The following MECOM variants were observed in gnomAD, a reference collection of about 807,000 sequenced individuals.
MECOM encodes the protein histone-lysine N-methyltransferase MECOM.
MECOM carries 13 observed loss-of-function variants against 116.3 expected under a neutral mutation model. The ratio of observed to expected loss-of-function variants is 0.11; its 90% CI spans 0.07 to 0.18. The LOEUF (loss-of-function observed/expected upper bound fraction) is 0.18. Among genes scored for constraint, MECOM ranks in the 10% least tolerant of loss-of-function variants. The pLI, the probability that MECOM is intolerant of heterozygous loss-of-function variation, is 1.00. For missense variants in MECOM, 1,299 were observed against 1,509.0 expected, an observed-to-expected ratio of 0.86 and a Z score of 2.31; for synonymous variants, 528 against 535.2, an observed-to-expected ratio of 0.99 and a Z score of 0.19.
At chr3:169,310,944 C>T (rs950755917) in intron 2 of MECOM, among the ~76,000 whole-genome samples, 8 of 152,128 alleles carry the variant, frequency 5.3e-5, no homozygotes, top group African/African-American at 1.9e-4. Flanking sequence ...AACAAAATTA[C>T]CAACTAAATG....
intron 2 of MECOM, among the ~76,000 whole-genome samples, chr3:169,314,686 G>C (rs1051551343): frequency 6.6e-6 from 1 of 151,966 alleles, no homozygotes; most frequent in African/African-American, 2.4e-5. Context: ...AGAGACAGAA[G>C]GGGAACTAGG....
Position 169,332,707 on chromosome 3 carries a change from A to T in MECOM, c.375+48480T>A, listed in dbSNP as rs370790258. ...CATGTTTAGCATTTCAAAAAATGATAAAAATCTGAATAGACATTTTACATT... is the reference window on the plus strand; with the variant it reads ...CATGTTTAGCATTTCAAAAAATGATTAAAATCTGAATAGACATTTTACATT... On this transcript the variant is annotated intron_variant, in intron 2 of 16. Transcript: ENST00000651503. Among the ~76,000 whole-genome samples, 8 of 152,242 alleles carry T rather than the reference A, an allele frequency of 5.3e-5. No individual in the cohort carries two copies. In the East Asian group the frequency reaches 9.6e-4, roughly 18 times the overall value.
intron 1 of MECOM, among the ~76,000 whole-genome samples, chr3:169,561,559 G>T (rs1762635424): frequency 6.6e-6 from 1 of 152,116 alleles, no homozygotes; most frequent in African/African-American, 2.4e-5. Context: ...AACTACATAT[G>T]TTATAGCAGT....
chr3:169,160,272 A>T (rs2149346244), intron 2 of MECOM, among the ~76,000 whole-genome samples: 1 of 152,106 alleles, frequency 6.6e-6, no homozygotes, highest in South Asian at 2.1e-4. Flanking sequence ...GGGGAAAAAC[A>T]TTTTCTGAGA....
chr3:169,551,868 C>A (rs756768830), intron 1 of MECOM, among the ~76,000 whole-genome samples: 2 of 152,100 alleles, frequency 1.3e-5, no homozygotes, highest in Non-Finnish European at 2.9e-5. Flanking sequence ...GAAAATTATT[C>A]AGCCATAAAA....
chr3:169,490,361 C>G (rs1259703655), intron 1 of MECOM, among the ~76,000 whole-genome samples: 1 of 152,184 alleles, frequency 6.6e-6, no homozygotes, highest in African/African-American at 2.4e-5. Context: ...TTGAAAAATT[C>G]TCACACAGGT....
At chr3:169,466,014 C>A (rs912924682) in intron 1 of MECOM, among the ~76,000 whole-genome samples, 1 of 152,188 alleles carries the variant, frequency 6.6e-6, no homozygotes, top group Non-Finnish European at 1.5e-5. Context: ...AAACTCACAT[C>A]TTTAAAACTT....
At chr3:169,102,590 G>A (rs150369624) in intron 10 of MECOM, among the ~76,000 whole-genome samples, 2,436 of 152,148 alleles carry the variant, frequency 0.016, 44 homozygotes, top group Non-Finnish European at 0.024. Flanking sequence ...TTAACATAAC[G>A]GAAATTATAG....
intron 16 of MECOM, 107 bp from the exon 17 acceptor site, chr3:169,085,150 C>A: frequency 7.3e-7 from 1 of 1,364,500 alleles, no homozygotes; most frequent in Non-Finnish European, 1.0e-6. Context: ...TGAGTAGGGG[C>A]ATCCTTCATG....
chr3:169,255,970 T>G (rs1474285503), intron 2 of MECOM, among the ~76,000 whole-genome samples: 2 of 152,170 alleles, frequency 1.3e-5, no homozygotes, highest in East Asian at 3.8e-4. Context: ...TTTCCTGCCT[T>G]TCTCAATGAT....
chr3:169,358,296 A>G (rs1727610094), intron 2 of MECOM, among the ~76,000 whole-genome samples: 1 of 151,842 alleles, frequency 6.6e-6, no homozygotes, highest in Admixed American at 6.6e-5. Context: ...TTCAGAATAA[A>G]GGGCAGGGTT....
intron 1 of MECOM, 78 bp from the exon 2 acceptor site, chr3:169,381,602 T>C (rs180915106): frequency 9.2e-7 from 1 of 1,089,194 alleles, no homozygotes; most frequent in Non-Finnish European, 1.3e-6. Context: ...CACCTTATTA[T>C]GTTGTTCTTT....
At chr3:169,420,149 A>G (rs1382776281) in intron 1 of MECOM, among the ~76,000 whole-genome samples, 1 of 152,208 alleles carries the variant, frequency 6.6e-6, no homozygotes, top group Non-Finnish European at 1.5e-5. Context: ...GAATGCTTTT[A>G]CACTGTTGGT....
At chr3:169,480,708 A>C (rs1162055594) in intron 1 of MECOM, among the ~76,000 whole-genome samples, 1 of 152,176 alleles carries the variant, frequency 6.6e-6, no homozygotes, top group Non-Finnish European at 1.5e-5. Flanking sequence ...GTTCTTCAAA[A>C]AGGAGATGAA....
At chr3:169,294,519 G>T (rs577277027) in intron 2 of MECOM, among the ~76,000 whole-genome samples, 1 of 152,254 alleles carries the variant, frequency 6.6e-6, no homozygotes, top group African/African-American at 2.4e-5. Context: ...CTGCTCAAAT[G>T]TCCCCATTGT....
At chr3:169,137,355 A>G (rs960276548) in intron 3 of MECOM, among the ~76,000 whole-genome samples, 5 of 152,086 alleles carry the variant, frequency 3.3e-5, no homozygotes, top group African/African-American at 1.2e-4. Context: ...GTAATGTGGG[A>G]AACTCCAATT....
At chr3:169,175,717 G>A (rs759899937) in intron 2 of MECOM, among the ~76,000 whole-genome samples, 8 of 152,196 alleles carry the variant, frequency 5.3e-5, no homozygotes, top group Admixed American at 3.3e-4. Flanking sequence ...CAGACCCGTC[G>A]CACAATGTTT....
At chr3:169,242,683 A>T (rs1411759431) in intron 2 of MECOM, among the ~76,000 whole-genome samples, 1 of 152,096 alleles carries the variant, frequency 6.6e-6, no homozygotes, top group Non-Finnish European at 1.5e-5. Flanking sequence ...AAACACGAAC[A>T]GAGGCTGCAG....
intron 1 of MECOM, among the ~76,000 whole-genome samples, chr3:169,387,300 G>A (rs7641518): frequency 0.05 from 7,588 of 152,264 alleles, 643 homozygotes; most frequent in African/African-American, 0.17. Flanking sequence ...GCCTGTGAAC[G>A]GCAGGCTAGA....
Sources: allele counts gnomAD v4.1 joint callset (sites outside exome capture counted in the v4.1 genomes callset), GRCh38; gene constraint gnomAD v4.1.1; transcripts MANE v1.5; gene names NCBI Gene and HGNC (gene_info 2026-07-23, HGNC 2026-07-21).